The following PKNOX2 variants were observed in gnomAD, a reference collection of about 807,000 sequenced individuals.
PKNOX2 encodes PBX/knotted 1 homeobox 2.
A neutral mutation model predicts 53.1 loss-of-function variants in PKNOX2; 14 were observed. The ratio of observed to expected loss-of-function variants is 0.26; its 90% CI spans 0.17 to 0.41. The LOEUF (loss-of-function observed/expected upper bound fraction) is 0.41, where lower values mean the gene tolerates loss of function less well. PKNOX2 is among the 10% of genes least tolerant of loss of function. The pLI is 1.00. For synonymous variants in PKNOX2, 257 were observed against 242.8 expected, an observed-to-expected ratio of 1.06 and a Z score of -0.54; for missense variants, 496 against 602.8, an observed-to-expected ratio of 0.82 and a Z score of 1.85.
chr11:125,350,677 G>C (rs1207393308), intron 3 of PKNOX2, among the ~76,000 whole-genome samples: 3 of 152,180 alleles, frequency 2.0e-5, no homozygotes, highest in Admixed American at 1.3e-4. Context: ...CCTTCCCCAA[G>C]GCCTCCAGGC....
chr11:125,348,274 C>A (rs1951102177), intron 3 of PKNOX2, among the ~76,000 whole-genome samples: 1 of 152,230 alleles, frequency 6.6e-6, no homozygotes. Context: ...AGGAAAAGAG[C>A]CAGCTTCCGG....
chr11:125,369,811 G>A (rs866103793), intron 5 of PKNOX2, among the ~76,000 whole-genome samples: 16 of 152,278 alleles, frequency 1.1e-4, no homozygotes, highest in Middle Eastern at 3.4e-3. Context: ...AGGAGGGAAG[G>A]GAGTAGCGTG....
chr11:125,341,359 CAAA>C (rs375652054), intron 3 of PKNOX2, among the ~76,000 whole-genome samples: 2 of 103,026 alleles, frequency 1.9e-5, no homozygotes, highest in African/African-American at 3.5e-5. Context: ...GATTCCGTCT[CAAA>C]AAAAAAAAAA....
intron 10 of PKNOX2, among the ~76,000 whole-genome samples, chr11:125,425,882 A>AC (rs1956386769): frequency 6.8e-6 from 1 of 146,600 alleles, no homozygotes; most frequent in South Asian, 2.3e-4. Context: ...GCTGCTACTT[A>AC]CCCCACAGCC....
intron 1 of PKNOX2, among the ~76,000 whole-genome samples, chr11:125,209,448 G>A (rs138805082): frequency 6.6e-6 from 1 of 152,042 alleles, no homozygotes; most frequent in Non-Finnish European, 1.5e-5. Context: ...CTATGGGATG[G>A]AGGGTCAGAG....
intron 7 of PKNOX2, among the ~76,000 whole-genome samples, chr11:125,409,774 T>A (rs1011644597): frequency 2.6e-5 from 4 of 152,048 alleles, no homozygotes; most frequent in Admixed American, 1.3e-4. Flanking sequence ...GGGGAGCTTT[T>A]AATAACCCGG....
chr11:125,258,354 A>G (rs1944576640), intron 2 of PKNOX2, among the ~76,000 whole-genome samples: 2 of 152,050 alleles, frequency 1.3e-5, no homozygotes, highest in African/African-American at 4.8e-5. Context: ...CTCTGTGTAA[A>G]CACGTCATTA....
At chr11:125,228,336 T>A (rs539983957) in intron 1 of PKNOX2, among the ~76,000 whole-genome samples, 12 of 152,334 alleles carry the variant, frequency 7.9e-5, no homozygotes, top group Admixed American at 7.2e-4. Flanking sequence ...TTGGCTACCT[T>A]ATTGCACCAT....
chr11:125,221,570 C>G (rs1941156839), intron 1 of PKNOX2, among the ~76,000 whole-genome samples: 1 of 152,112 alleles, frequency 6.6e-6, no homozygotes, highest in African/African-American at 2.4e-5. Flanking sequence ...CGGCCACACT[C>G]TTGGTTTTAG....
chr11:125,401,576 G>T (rs751552181), intron 7 of PKNOX2, among the ~76,000 whole-genome samples: 4 of 152,110 alleles, frequency 2.6e-5, no homozygotes, highest in Non-Finnish European at 5.9e-5. Context: ...ACACTCACAC[G>T]TCTCTTAAGC....
intron 2 of PKNOX2, among the ~76,000 whole-genome samples, chr11:125,305,836 A>C (rs941578625): frequency 1.3e-5 from 2 of 152,184 alleles, no homozygotes; most frequent in Non-Finnish European, 2.9e-5. Context: ...GCCTCCTGAA[A>C]GAATATTCCG....
At chr11:125,293,817 A>T (rs745851345) in intron 2 of PKNOX2, among the ~76,000 whole-genome samples, 1 of 145,866 alleles carries the variant, frequency 6.9e-6, no homozygotes, top group Admixed American at 6.7e-5. Flanking sequence ...ACACACTCAC[A>T]CACACTCACT....
intron 3 of PKNOX2, among the ~76,000 whole-genome samples, chr11:125,349,212 C>T (rs180715940): frequency 3.9e-5 from 6 of 152,284 alleles, no homozygotes; most frequent in Non-Finnish European, 8.8e-5. Context: ...CTTCTGATGT[C>T]TCAAAAAGTC....
intron 1 of PKNOX2, among the ~76,000 whole-genome samples, chr11:125,198,903 C>T (rs1222994455): frequency 2.0e-5 from 3 of 150,594 alleles, no homozygotes; most frequent in African/African-American, 2.4e-5. Flanking sequence ...TGTGGTGGCA[C>T]GATCTTGGCT....
chr11:125,378,030 T>C (rs931059929), intron 5 of PKNOX2, among the ~76,000 whole-genome samples: 5 of 152,192 alleles, frequency 3.3e-5, no homozygotes, highest in Non-Finnish European at 5.9e-5. Context: ...AGGGCACTTG[T>C]TGTGGACCAT....
chr11:125,222,603 G>GTA, intron 1 of PKNOX2, among the ~76,000 whole-genome samples: 1 of 135,622 alleles, frequency 7.4e-6, no homozygotes, highest in South Asian at 2.3e-4. Flanking sequence ...GTGTGTGTGT[G>GTA]TCTGTGTGTA....
intron 4 of PKNOX2, among the ~76,000 whole-genome samples, chr11:125,361,095 A>T (rs1951900911): frequency 6.6e-6 from 1 of 152,228 alleles, no homozygotes; most frequent in Non-Finnish European, 1.5e-5. Flanking sequence ...TCTGCAGCTA[A>T]AATGGTAGCA....
At chr11:125,393,606 C>T (rs938805573) in intron 6 of PKNOX2, among the ~76,000 whole-genome samples, 3 of 152,052 alleles carry the variant, frequency 2.0e-5, no homozygotes, top group African/African-American at 7.2e-5. Flanking sequence ...TTCAGAGAGT[C>T]AGAAAACGTA....
intron 7 of PKNOX2, among the ~76,000 whole-genome samples, chr11:125,398,583 C>G (rs977659240): frequency 3.3e-5 from 5 of 152,336 alleles, no homozygotes; most frequent in South Asian, 4.1e-4. Context: ...TCTCTGTCCC[C>G]CTAAGGTTCA....
Sources: allele counts gnomAD v4.1 joint callset (sites outside exome capture counted in the v4.1 genomes callset), GRCh38; gene constraint gnomAD v4.1.1; transcripts MANE v1.5; gene names NCBI Gene and HGNC (gene_info 2026-07-23, HGNC 2026-07-21).